DLGAP2: variants seen among roughly 807,000 people sequenced by gnomAD.
DLGAP2 encodes disks large-associated protein 2.
Under a neutral mutation model 100.3 loss-of-function variants are expected in DLGAP2, and 26 were observed. That is an observed-to-expected ratio of 0.26 (90% confidence interval 0.19 to 0.36). DLGAP2 has a LOEUF of 0.36. DLGAP2 is among the 10% of genes least tolerant of loss of function. The pLI, the probability that DLGAP2 is intolerant of heterozygous loss-of-function variation, is 1.00. For synonymous variants in DLGAP2, 886 were observed against 630.1 expected (o/e 1.41, Z -6.08); for missense variants, 1,858 against 1,453.2 (o/e 1.28, Z -4.53).
chr8:1,066,838 G>A (rs533974031), intron 2 of DLGAP2, among the ~76,000 whole-genome samples: 3 of 152,230 alleles, frequency 2.0e-5, no homozygotes, highest in Admixed American at 6.5e-5. Context: ...CTGATGGGAC[G>A]TGGGAGAGCT....
chr8:828,405 C>T (rs369362007), intron 1 of DLGAP2, among the ~76,000 whole-genome samples: 275 of 152,294 alleles, frequency 1.8e-3, no homozygotes, highest in Non-Finnish European at 3.1e-3. Context: ...AGGAATTCAG[C>T]GATATTTCTC....
chr8:1,474,171 T>C (rs148299630), intron 3 of DLGAP2, among the ~76,000 whole-genome samples: 3 of 152,352 alleles, frequency 2.0e-5, no homozygotes, highest in Non-Finnish European at 2.9e-5. Flanking sequence ...CTTAGAATAA[T>C]GGTCTCCAAC....
intron 1 of DLGAP2, among the ~76,000 whole-genome samples, chr8:793,069 T>C (rs1298135352): frequency 6.6e-6 from 1 of 152,258 alleles, no homozygotes; most frequent in African/African-American, 2.4e-5. Flanking sequence ...TAGCTGTATT[T>C]TACTATCAGC....
chr8:890,838 C>A (rs1468135612), intron 1 of DLGAP2, among the ~76,000 whole-genome samples: 1 of 152,156 alleles, frequency 6.6e-6, no homozygotes, highest in Non-Finnish European at 1.5e-5. Flanking sequence ...GTTTCCCGAC[C>A]CCCCTAAACT....
In DLGAP2 at chr8:1,637,668, T is replaced by C. The variant is rs192953631; in HGVS notation, c.1810+4622T>C. On this transcript the variant is annotated intron_variant, in intron 8 of 14. Transcript: ENST00000637795. ...ATTCTAAAGAAAAGATCAAATTACA[T>C]TTATGTCGTAAGCATTTATTAAGTG... 8.6e-4 allele frequency among the ~76,000 whole-genome samples: 131 copies of C among 152,314 alleles called. 2 individuals carry two copies. In the South Asian group the frequency reaches 1.0e-2, roughly 12 times the overall value.
At chr8:854,611 G>A (rs1797242262) in intron 1 of DLGAP2, among the ~76,000 whole-genome samples, 1 of 152,184 alleles carries the variant, frequency 6.6e-6, no homozygotes, top group Non-Finnish European at 1.5e-5. Context: ...GCATGTGTGT[G>A]CATGTTCATG....
At position 800,640 on chromosome 8, in the gene DLGAP2, G is replaced by A. The variant is rs570955366; in HGVS notation, c.18+62815G>A. Among the ~76,000 whole-genome samples the A allele has an allele frequency of 4.5e-3, 685 of 152,324 alleles. 1 individual carries two copies. Among genetic ancestry groups the A allele is most frequent in the Non-Finnish European group, 7.3e-3 (498 of 68,036 alleles). On this transcript the variant is annotated intron_variant, in intron 1 of 14. Transcript: ENST00000637795. ...CATGTATGTTTATATGTGTGTGCAT[G>A]TCTATGTGTGCACATGCGTGTGCAT...
At chr8:1,454,370 C>G (rs1388389778) in intron 3 of DLGAP2, among the ~76,000 whole-genome samples, 1 of 149,442 alleles carries the variant, frequency 6.7e-6, no homozygotes, top group Non-Finnish European at 1.5e-5. Flanking sequence ...TTTTTTTTAT[C>G]TTTTCTCTAC....
intron 3 of DLGAP2, among the ~76,000 whole-genome samples, chr8:1,495,446 C>G (rs1452784519): frequency 6.6e-6 from 1 of 152,220 alleles, no homozygotes; most frequent in African/African-American, 2.4e-5. Flanking sequence ...GGAGACTGAG[C>G]CGGCCAGGGC....
At chr8:921,491 G>A (rs1798713290) in intron 2 of DLGAP2, among the ~76,000 whole-genome samples, 1 of 152,164 alleles carries the variant, frequency 6.6e-6, no homozygotes, top group Non-Finnish European at 1.5e-5. Flanking sequence ...GCATTTCTGT[G>A]GCCACGTGGC....
chr8:1,670,101 A>C (rs1165375518), intron 10 of DLGAP2, among the ~76,000 whole-genome samples: 3 of 152,000 alleles, frequency 2.0e-5, no homozygotes, highest in African/African-American at 7.3e-5. Flanking sequence ...TAGCCAGGTG[A>C]CTTCCCATTG....
intron 2 of DLGAP2, among the ~76,000 whole-genome samples, chr8:1,254,013 A>G (rs1481451392): frequency 6.6e-6 from 1 of 152,226 alleles, no homozygotes; most frequent in African/African-American, 2.4e-5. Flanking sequence ...AGAGGTGCGG[A>G]ACCACAGTCT....
intron 2 of DLGAP2, among the ~76,000 whole-genome samples, chr8:1,244,181 G>A (rs1004042742): frequency 7.2e-5 from 11 of 152,230 alleles, no homozygotes; most frequent in Admixed American, 3.3e-4. Flanking sequence ...CTCTGAGTGC[G>A]ATACGGTTAG....
chr8:1,517,114 C>T (rs927826566), intron 4 of DLGAP2, among the ~76,000 whole-genome samples: 1 of 152,066 alleles, frequency 6.6e-6, no homozygotes, highest in Non-Finnish European at 1.5e-5. Flanking sequence ...TCTTCATTCC[C>T]CAGGTTGAAG....
intron 3 of DLGAP2, among the ~76,000 whole-genome samples, chr8:1,337,002 A>G (rs914342742): frequency 6.6e-6 from 1 of 152,212 alleles, no homozygotes; most frequent in African/African-American, 2.4e-5. Context: ...TGAGGAGCAG[A>G]GGCAATGAGT....
chr8:1,599,659 G>T (rs770446647), intron 6 of DLGAP2, among the ~76,000 whole-genome samples: 2 of 152,142 alleles, frequency 1.3e-5, no homozygotes, highest in Non-Finnish European at 2.9e-5. Flanking sequence ...GATCGTTGTT[G>T]ACTTAAAATT....
chr8:1,391,577 G>A (rs530544313), intron 3 of DLGAP2, among the ~76,000 whole-genome samples: 2 of 152,318 alleles, frequency 1.3e-5, no homozygotes, highest in African/African-American at 4.8e-5. Flanking sequence ...GTTCCACCAT[G>A]GATGCCTCAC....
chr8:1,504,163 A>G (rs1329105652), intron 4 of DLGAP2, among the ~76,000 whole-genome samples: 1 of 152,058 alleles, frequency 6.6e-6, no homozygotes, highest in African/African-American at 2.4e-5. Context: ...TTTGTCTGAG[A>G]AAGGACTTGG....
chr8:1,066,752 C>T (rs1039782284), intron 2 of DLGAP2, among the ~76,000 whole-genome samples: 1 of 152,276 alleles, frequency 6.6e-6, no homozygotes, highest in Non-Finnish European at 1.5e-5. Context: ...TTGGCCTCCA[C>T]ACGCGGCACC....
Sources: gnomAD v4.1 joint callset for allele counts (sites outside exome capture counted in the v4.1 genomes callset) on GRCh38, gnomAD v4.1.1 for gene constraint, MANE v1.5 for transcripts, NCBI Gene and HGNC (gene_info 2026-07-23, HGNC 2026-07-21) for gene names.